Variants in DCC observed in about 807,000 individuals in gnomAD.
DCC encodes the protein netrin receptor DCC.
DCC carries 58 observed loss-of-function variants against 172.5 expected under a neutral mutation model. The ratio of observed to expected loss-of-function variants is 0.34; its 90% CI spans 0.27 to 0.42. The LOEUF is 0.42. DCC is among the 10% of genes least tolerant of loss of function. The pLI is 1.00. For missense variants in DCC, 1,740 were observed against 1,791.0 expected (o/e 0.97, Z 0.51); for synonymous variants, 709 against 644.5 (o/e 1.10, Z -1.52).
intron 2 of DCC, among the ~76,000 whole-genome samples, chr18:52,848,624 G>A (rs554710247): frequency 6.6e-6 from 1 of 152,048 alleles, no homozygotes; most frequent in African/African-American, 2.4e-5. Context: ...ATTTACAGTT[G>A]TCTTCATATA....
intron 5 of DCC, among the ~76,000 whole-genome samples, chr18:53,018,344 T>C (rs1359038415): frequency 6.6e-6 from 1 of 152,192 alleles, no homozygotes; most frequent in Admixed American, 6.5e-5. Flanking sequence ...AAATTCTGAA[T>C]ATAAGAATTT....
Position 53,034,186 on chromosome 18 carries a change from C to T in DCC, c.986-29119C>T, listed in dbSNP as rs940715407. Among the ~76,000 whole-genome samples the T allele has an allele frequency of 1.1e-4, 16 of 152,046 alleles. No individual in the cohort carries two copies. The South Asian group carries it at 3.1e-3, about 30-fold the overall frequency. ...TTATTTATATCCCAAAATTCTGCCC[C>T]GAGCTTTAGAGTCATATACACTCTG... On this transcript the variant is annotated intron_variant, in intron 5 of 28. Transcript: ENST00000442544.
chr18:52,692,484 GT>G (rs1313951607), intron 1 of DCC, among the ~76,000 whole-genome samples: 7 of 152,056 alleles, frequency 4.6e-5, no homozygotes, highest in African/African-American at 1.7e-4. Context: ...TGTTGCTCAG[GT>G]TGGAGTGCAG....
At position 53,207,817 on chromosome 18, in the gene DCC, G is replaced by A. The variant is rs112302456; in HGVS notation, c.1861G>A (p.Val621Met). ...TATAACAGTGGTTACACTTTCTGACGGTAAGTTAAAAACAGTGAAACTCCT... is the reference window on the plus strand; with the variant it reads ...TATAACAGTGGTTACACTTTCTGACAGTAAGTTAAAAACAGTGAAACTCCT... Reference protein sequence around the residue: ...DDITVVTLSDVPSAPPQNVSL... With the variant: ...DDITVVTLSDMPSAPPQNVSL... The change falls in exon 11 of 29, where the codon GTG (valine) becomes ATG (methionine). Residue 621 changes from valine (V) to methionine (M), a missense_variant and splice_region_variant. This residue lies in a region of DCC where 1,732 missense variants were observed against 1,767.4 expected (regional missense o/e 0.98). Coordinates refer to ENST00000442544, the MANE Select transcript of DCC (RefSeq NM_005215.4). 1.4e-4 allele frequency: 229 copies of A among 1,610,296 alleles called. 1 individual carries two copies. The African/African-American group carries it at 2.2e-3, about 15-fold the overall frequency.
At chr18:52,752,644 T>G (rs902252135) in intron 2 of DCC, among the ~76,000 whole-genome samples, 1 of 152,142 alleles carries the variant, frequency 6.6e-6, no homozygotes, top group Non-Finnish European at 1.5e-5. Flanking sequence ...AATCTACTCT[T>G]TTAGCAATTT....
intron 14 of DCC, among the ~76,000 whole-genome samples, chr18:53,337,126 G>A (rs1342859988): frequency 6.6e-6 from 1 of 152,180 alleles, no homozygotes; most frequent in Non-Finnish European, 1.5e-5. Context: ...CAATTTGCAA[G>A]AGAACTATTC....
chr18:52,430,651 G>T (rs537315637), intron 1 of DCC, among the ~76,000 whole-genome samples: 6 of 152,214 alleles, frequency 3.9e-5, no homozygotes, highest in Non-Finnish European at 7.4e-5. Flanking sequence ...ACAAAGAGGA[G>T]CTGTGCAAAA....
At chr18:53,128,303 G>T (rs1425618346) in intron 7 of DCC, among the ~76,000 whole-genome samples, 1 of 151,996 alleles carries the variant, frequency 6.6e-6, no homozygotes, top group Non-Finnish European at 1.5e-5. Context: ...TAGTCATTTT[G>T]CTAAAAATAA....
intron 9 of DCC, among the ~76,000 whole-genome samples, chr18:53,194,692 A>G (rs2055417931): frequency 6.6e-6 from 1 of 152,118 alleles, no homozygotes; most frequent in Non-Finnish European, 1.5e-5. Flanking sequence ...CTGGTCTTGA[A>G]TTCCTGACCT....
chr18:53,185,810 C>T (rs2055272516), intron 9 of DCC, among the ~76,000 whole-genome samples: 2 of 152,186 alleles, frequency 1.3e-5, no homozygotes, highest in Admixed American at 6.5e-5. Context: ...TCACAGATTT[C>T]ATCTCCCTGA....
At chr18:52,511,400 C>T (rs2031434670) in intron 1 of DCC, among the ~76,000 whole-genome samples, 1 of 151,958 alleles carries the variant, frequency 6.6e-6, no homozygotes, top group African/African-American at 2.4e-5. Flanking sequence ...AATAAATAGT[C>T]TCTCATTTAG....
At chr18:52,594,631 G>A (rs997693247) in intron 1 of DCC, among the ~76,000 whole-genome samples, 1 of 152,132 alleles carries the variant, frequency 6.6e-6, no homozygotes, top group Admixed American at 6.6e-5. Context: ...GGTTTAATTG[G>A]CTCACAGCTC....
At chr18:52,926,091 T>C (rs1236183384) in intron 5 of DCC, among the ~76,000 whole-genome samples, 4 of 152,054 alleles carry the variant, frequency 2.6e-5, no homozygotes, top group Admixed American at 6.6e-5. Flanking sequence ...CAGTTGCTTT[T>C]TTTCTGTAAC....
intron 1 of DCC, among the ~76,000 whole-genome samples, chr18:52,685,054 C>T (rs1454188881): frequency 6.6e-6 from 1 of 151,970 alleles, no homozygotes. Context: ...GATTTTGTTC[C>T]ACACACTTAC....
intron 12 of DCC, among the ~76,000 whole-genome samples, chr18:53,228,466 CCAAATTATTTGTCAG>C (rs951227072): frequency 3.3e-5 from 5 of 152,028 alleles, no homozygotes; most frequent in African/African-American, 9.7e-5. Context: ...TAAGAGTCTT[CCAAATTATTTGTCAG>C]CCAAAAAACC....
At chr18:53,452,258 T>G (rs2045423733) in intron 23 of DCC, among the ~76,000 whole-genome samples, 1 of 152,066 alleles carries the variant, frequency 6.6e-6, no homozygotes, top group African/African-American at 2.4e-5. Flanking sequence ...TAAAAGAAGG[T>G]GGGGAGGCGG....
rs1225185838 is a variant in DCC at position 53,335,916 on chromosome 18, A to C, written c.2165-3797A>C. Among the ~76,000 whole-genome samples the C allele has an allele frequency of 5.3e-5, 8 of 152,080 alleles. 1 individual carries two copies. The highest frequency in any genetic ancestry group is 5.2e-4 in the Admixed American group (8 of 15,246). ...AAAGTCCCCTTTATAAAACCATCAGATCTCAAGAGACTTACTCATTATCAC... is the reference window on the plus strand; with the variant it reads ...AAAGTCCCCTTTATAAAACCATCAGCTCTCAAGAGACTTACTCATTATCAC... On this transcript the variant is annotated intron_variant, in intron 14 of 28. Coordinates refer to ENST00000442544, the MANE Select transcript of DCC (RefSeq NM_005215.4).
intron 25 of DCC, among the ~76,000 whole-genome samples, chr18:53,476,748 G>A (rs1487271201): frequency 1.3e-5 from 2 of 152,106 alleles, no homozygotes; most frequent in Non-Finnish European, 2.9e-5. Context: ...GTACTATAGG[G>A]CACATTCTCA....
At chr18:52,618,738 G>A (rs983115257) in intron 1 of DCC, among the ~76,000 whole-genome samples, 3 of 152,164 alleles carry the variant, frequency 2.0e-5, no homozygotes, top group Non-Finnish European at 2.9e-5. Context: ...ACTATAGGCT[G>A]TATTTTATCA....
Sources: gnomAD v4.1 joint callset for allele counts (sites outside exome capture counted in the v4.1 genomes callset) on GRCh38, gnomAD v4.1.1 for gene constraint, gnomAD v4.1.1 regional missense constraint, MANE v1.5 for transcripts, NCBI Gene and HGNC (gene_info 2026-07-23, HGNC 2026-07-21) for gene names.